The following IMMP2L variants were observed in gnomAD, a reference collection of about 807,000 sequenced individuals.
IMMP2L encodes the protein inner mitochondrial membrane peptidase subunit 2.
A neutral mutation model predicts 19.3 loss-of-function variants in IMMP2L; 18 were observed. That is an observed-to-expected ratio of 0.93 (90% confidence interval 0.64 to 1.38). The LOEUF is 1.38. IMMP2L is among the 40% of genes most tolerant of loss of function. IMMP2L has a pLI of 0.00. For synonymous variants in IMMP2L, 76 were observed against 73.0 expected, an observed-to-expected ratio of 1.04 and a Z score of -0.21; for missense variants, 233 against 218.2, an observed-to-expected ratio of 1.07 and a Z score of -0.43.
intron 3 of IMMP2L, among the ~76,000 whole-genome samples, chr7:111,224,238 G>A (rs140378208): frequency 2.1e-3 from 318 of 152,174 alleles, no homozygotes; most frequent in Middle Eastern, 0.014. Flanking sequence ...CCACAAGTGA[G>A]AATGTCATTA....
At chr7:110,907,650 G>C (rs1477370414) in intron 4 of IMMP2L, among the ~76,000 whole-genome samples, 1 of 152,142 alleles carries the variant, frequency 6.6e-6, no homozygotes, top group Non-Finnish European at 1.5e-5. Context: ...CCTGCCTCCT[G>C]TCCCTATCAA....
At chr7:111,111,079 C>G (rs1799136201) in intron 3 of IMMP2L, among the ~76,000 whole-genome samples, 1 of 152,010 alleles carries the variant, frequency 6.6e-6, no homozygotes, top group Non-Finnish European at 1.5e-5. Flanking sequence ...AAGAAATTTT[C>G]CCAAACAGGT....
intron 3 of IMMP2L, among the ~76,000 whole-genome samples, chr7:111,422,449 T>A (rs941903018): frequency 5.3e-5 from 8 of 151,804 alleles, no homozygotes; most frequent in African/African-American, 1.9e-4. Flanking sequence ...CCCTTGGAAG[T>A]TGGATTCCTA....
chr7:110,739,430 A>G (rs1291876829), intron 5 of IMMP2L, among the ~76,000 whole-genome samples: 1 of 152,206 alleles, frequency 6.6e-6, no homozygotes, highest in Non-Finnish European at 1.5e-5. Flanking sequence ...ATATCAAACA[A>G]AACAAATTTT....
chr7:110,961,582 A>G (rs116191973), intron 4 of IMMP2L, among the ~76,000 whole-genome samples: 1,823 of 151,892 alleles, frequency 0.012, 46 homozygotes, highest in African/African-American at 0.042. Flanking sequence ...ATATGTTTCC[A>G]CCAAAAGACC....
chr7:110,781,816 A>G (rs925709796), intron 5 of IMMP2L, among the ~76,000 whole-genome samples: 2 of 151,958 alleles, frequency 1.3e-5, no homozygotes, highest in East Asian at 3.9e-4. Flanking sequence ...TACTTATTTT[A>G]ATAACAAAAA....
chr7:110,845,025 A>C (rs930150367), intron 5 of IMMP2L, among the ~76,000 whole-genome samples: 1 of 152,140 alleles, frequency 6.6e-6, no homozygotes, highest in Non-Finnish European at 1.5e-5. Flanking sequence ...ATCAGCTGGG[A>C]AAGATTTAAA....
chr7:111,380,937 T>C (rs770121269), intron 3 of IMMP2L, among the ~76,000 whole-genome samples: 4 of 151,306 alleles, frequency 2.6e-5, no homozygotes, highest in East Asian at 1.9e-4. Flanking sequence ...GTGAAAAATA[T>C]CAGGTTATTC....
At chr7:110,967,054 A>G (rs993449818) in intron 3 of IMMP2L, among the ~76,000 whole-genome samples, 4 of 152,062 alleles carry the variant, frequency 2.6e-5, no homozygotes, top group African/African-American at 9.7e-5. Flanking sequence ...TGGATTTTAA[A>G]CATTCTGTTT....
rs974601722 is a variant in IMMP2L at position 110,728,552 on chromosome 7, C to G, written c.409-64831G>C. On this transcript the variant is annotated intron_variant, in intron 5 of 5. Transcript: ENST00000405709. This position sits in a 1 kb window ranked among gnomAD's most constrained non-coding sequence, Gnocchi z 4.6. ...ACAATATTAAAGGCCCCTTTTGACCCACCTTACCTGCAAAGAATAATCAGG... is the reference window on the plus strand; with the variant it reads ...ACAATATTAAAGGCCCCTTTTGACCGACCTTACCTGCAAAGAATAATCAGG... Among the ~76,000 whole-genome samples, 12 of 152,054 alleles carry G rather than the reference C, an allele frequency of 7.9e-5. No homozygotes were observed. The highest frequency in any genetic ancestry group is 7.9e-4 in the Admixed American group (12 of 15,246).
At chr7:110,817,566 C>T (rs1319392293) in intron 5 of IMMP2L, among the ~76,000 whole-genome samples, 4 of 152,058 alleles carry the variant, frequency 2.6e-5, no homozygotes, top group Non-Finnish European at 4.4e-5. Flanking sequence ...CCATGCCATC[C>T]CCGTCAAGCT....
chr7:111,374,625 T>C (rs1406674870), intron 3 of IMMP2L, among the ~76,000 whole-genome samples: 1 of 152,094 alleles, frequency 6.6e-6, no homozygotes, highest in East Asian at 1.9e-4. Context: ...ATATAGCTCT[T>C]ACAAAGTTAA....
At chr7:111,540,544 T>C (rs116350652) in intron 1 of IMMP2L, among the ~76,000 whole-genome samples, 2,816 of 152,194 alleles carry the variant, frequency 0.019, 94 homozygotes, top group African/African-American at 0.064. Flanking sequence ...AACCCTATAT[T>C]AGCACTGTAA....
At position 110,724,738 on chromosome 7, in the gene IMMP2L, C is replaced by A. The variant is rs568298339; in HGVS notation, c.409-61017G>T. The A allele has an allele frequency of 3.9e-5, 6 of 152,044 alleles. No individual in the cohort carries two copies. The South Asian group carries it at 1.2e-3, about 32-fold the overall frequency. The allele number at this position is 152,044 out of a possible 1,614,324, so 9.4% of individuals were successfully genotyped here. A position where few individuals can be genotyped will look rare whatever the true frequency, so the allele number is the denominator to read the frequency against. On this transcript the variant is annotated intron_variant, in intron 5 of 5. Coordinates refer to ENST00000405709, the MANE Select transcript of IMMP2L (RefSeq NM_032549.4). ...TTTTTATAAATATGGTTCTTAGCTC[C>A]TCAGCTCCTCAGTTTAAAACAAAAA... is the stretch of plus-strand genomic sequence containing the variant.
intron 3 of IMMP2L, among the ~76,000 whole-genome samples, chr7:111,162,639 T>G (rs1186462217): frequency 6.7e-6 from 1 of 148,488 alleles, no homozygotes; most frequent in South Asian, 2.2e-4. Context: ...AGCGAGTAGT[T>G]TTTTTTTTTT....
intron 3 of IMMP2L, among the ~76,000 whole-genome samples, chr7:111,387,449 C>G (rs935605985): frequency 2.0e-5 from 3 of 152,066 alleles, no homozygotes; most frequent in African/African-American, 7.2e-5. Flanking sequence ...AACCAATAAA[C>G]AAGGTTCAAC....
rs950120272 is a variant in IMMP2L at position 111,499,956 on chromosome 7, T to G, written c.136-12615A>C. Reference sequence around the variant, plus strand: ...TCACTAGGGAGTGCCAGACAGCAGGTGCAGGACAGTGGGTGCAGAGCACCA... The same window carrying G: ...TCACTAGGGAGTGCCAGACAGCAGGGGCAGGACAGTGGGTGCAGAGCACCA... On this transcript the variant is annotated intron_variant, in intron 2 of 5. Transcript: ENST00000405709. 2.0e-5 allele frequency among the ~76,000 whole-genome samples: 3 copies of G among 152,084 alleles called. No homozygotes were observed. The South Asian group carries it at 6.2e-4, about 32-fold the overall frequency.
At chr7:111,449,283 T>C (rs1418134435) in intron 3 of IMMP2L, among the ~76,000 whole-genome samples, 5 of 136,452 alleles carry the variant, frequency 3.7e-5, no homozygotes, top group Non-Finnish European at 7.8e-5. Flanking sequence ...CCAATATCCT[T>C]GATGAACATT....
intron 3 of IMMP2L, among the ~76,000 whole-genome samples, chr7:111,203,046 G>A (rs183845359): frequency 4.6e-5 from 7 of 152,218 alleles, no homozygotes; most frequent in African/African-American, 1.7e-4. Context: ...AATGAGAAGT[G>A]ACTATTACAA....
Sources: gnomAD v4.1 joint callset for allele counts (sites outside exome capture counted in the v4.1 genomes callset) on GRCh38, gnomAD v4.1.1 for gene constraint, Gnocchi (gnomAD v3.1) non-coding constraint, MANE v1.5 for transcripts, NCBI Gene and HGNC (gene_info 2026-07-23, HGNC 2026-07-21) for gene names.